The following LRRC28 variants were observed in gnomAD, a reference collection of about 807,000 sequenced individuals.
The protein encoded by LRRC28 is leucine-rich repeat-containing protein 28.
LRRC28 carries 39 observed loss-of-function variants against 45.7 expected under a neutral mutation model. The observed-to-expected ratio is 0.85, with a 90% CI of 0.66 to 1.12. LRRC28 has a LOEUF of 1.12. Among genes scored for constraint, LRRC28 ranks in the 50% most tolerant of loss-of-function variants. The probability of loss-of-function intolerance (pLI) is 0.00; values close to 1 mark genes in which losing one functional copy is unlikely to be tolerated. For missense variants in LRRC28, 435 were observed against 438.5 expected (o/e 0.99, Z 0.07); for synonymous variants, 206 against 178.8 (o/e 1.15, Z -1.22).
At chr15:99,342,372 G>T (rs1045707825) in intron 6 of LRRC28, among the ~76,000 whole-genome samples, 1 of 152,118 alleles carries the variant, frequency 6.6e-6, no homozygotes, top group African/African-American at 2.4e-5. Flanking sequence ...TCTAACTTCC[G>T]TCATGGTGAA....
rs1385400875 is a variant in LRRC28 at position 99,386,828 on chromosome 15, A to G, written c.*726A>G. On this transcript the variant is annotated 3_prime_UTR_variant, in exon 10 of 10. Coordinates refer to ENST00000301981, the MANE Select transcript of LRRC28 (RefSeq NM_144598.5). ...GAAAAATGATTTTTGAAGTTTTTAA[A>G]TTTCCTGATAAGATTTTTTTTATAT... 6.6e-6 allele frequency: 1 copy of G among 152,158 alleles called. No homozygotes were observed. Among genetic ancestry groups the G allele is most frequent in the East Asian group, 1.9e-4 (1 of 5,198 alleles). The allele number at this position is 152,158 out of a possible 1,614,324, so 9.4% of individuals were successfully genotyped here.
chr15:99,260,125 C>T (rs2081153385), intron 2 of LRRC28: 4 of 370,754 alleles, frequency 1.1e-5, no homozygotes, highest in Non-Finnish European at 2.1e-5. Context: ...GTCCCCTTCT[C>T]CCCTGCACTG....
Position 99,388,834 on chromosome 15 carries a change from G to C in LRRC28, c.*2732G>C, listed in dbSNP as rs1363839034. ...ACTTCAGTGAACTCTTGTGTGGTTA[G>C]CGATAAGTTTTAAAGTCCAGGATAG... On this transcript the variant is annotated 3_prime_UTR_variant, in exon 10 of 10. Transcript: ENST00000301981. 1 of 152,180 alleles carries C rather than the reference G, an allele frequency of 6.6e-6. No individual in the cohort carries two copies. Among genetic ancestry groups the C allele is most frequent in the African/African-American group, 2.4e-5 (1 of 41,438 alleles). 9.4% of individuals were successfully genotyped at this position (152,180 alleles called of 1,614,324 possible).
chr15:99,366,864 C>A (rs996770923), intron 9 of LRRC28, among the ~76,000 whole-genome samples: 1 of 150,006 alleles, frequency 6.7e-6, no homozygotes, highest in Non-Finnish European at 1.5e-5. Flanking sequence ...TAACAGTCTG[C>A]GTTCTGGCCC....
chr15:99,377,604 T>G (rs1957681385), intron 9 of LRRC28, among the ~76,000 whole-genome samples: 1 of 152,202 alleles, frequency 6.6e-6, no homozygotes, highest in Non-Finnish European at 1.5e-5. Context: ...GTTTTAGACA[T>G]GAAGTCCTTG....
chr15:99,375,895 A>C (rs1196291358), intron 9 of LRRC28, among the ~76,000 whole-genome samples: 1 of 151,936 alleles, frequency 6.6e-6, no homozygotes, highest in Non-Finnish European at 1.5e-5. Context: ...ATTGTTATTC[A>C]TAATCCTAGT....
intron 5 of LRRC28, among the ~76,000 whole-genome samples, chr15:99,308,490 A>T (rs1207045788): frequency 6.6e-6 from 1 of 152,088 alleles, no homozygotes; most frequent in Non-Finnish European, 1.5e-5. Flanking sequence ...ACATAGTAAG[A>T]CCTTGTCTCT....
At chr15:99,370,824 A>G (rs74928889) in intron 9 of LRRC28, among the ~76,000 whole-genome samples, 4 of 152,386 alleles carry the variant, frequency 2.6e-5, no homozygotes, top group Non-Finnish European at 4.4e-5. Flanking sequence ...ATACACACAT[A>G]TTGAAACAAT....
intron 5 of LRRC28, among the ~76,000 whole-genome samples, chr15:99,308,407 C>A (rs1319894554): frequency 1.3e-5 from 2 of 152,052 alleles, no homozygotes; most frequent in African/African-American, 4.8e-5. Flanking sequence ...TGGCTCACAC[C>A]TATAATCCCA....
intron 5 of LRRC28, chr15:99,333,520 TTTC>T (rs1235197862): frequency 5.3e-6 from 1 of 190,344 alleles, no homozygotes; most frequent in East Asian, 1.3e-4. Flanking sequence ...AATCTCCTAT[TTTC>T]TTCTTAGATG....
chr15:99,382,939 C>G (rs1365875506), intron 9 of LRRC28, among the ~76,000 whole-genome samples: 1 of 152,052 alleles, frequency 6.6e-6, no homozygotes, highest in Non-Finnish European at 1.5e-5. Context: ...CTCCTTTCAT[C>G]TCTCTTATTT....
chr15:99,326,004 A>T (rs910444693), intron 5 of LRRC28, among the ~76,000 whole-genome samples: 2 of 152,142 alleles, frequency 1.3e-5, no homozygotes, highest in African/African-American at 4.8e-5. Context: ...AAGAGATGGT[A>T]ATAGGCTGAG....
intron 9 of LRRC28, among the ~76,000 whole-genome samples, chr15:99,367,647 C>T (rs1957376203): frequency 6.6e-6 from 1 of 152,142 alleles, no homozygotes; most frequent in Admixed American, 6.5e-5. Context: ...CTTGAGTTCA[C>T]TGGTTTATTA....
At chr15:99,367,078 T>C (rs1957360431) in intron 9 of LRRC28, among the ~76,000 whole-genome samples, 2 of 152,154 alleles carry the variant, frequency 1.3e-5, no homozygotes, top group African/African-American at 4.8e-5. Flanking sequence ...GAGATAGCAT[T>C]AGATCCCACA....
intron 2 of LRRC28, chr15:99,259,798 G>A (rs573229302): frequency 1.9e-5 from 20 of 1,033,090 alleles, no homozygotes; most frequent in Middle Eastern, 2.0e-4. Flanking sequence ...GATTCGGTCA[G>A]GATGTCTTTT....
At chr15:99,296,327 C>T (rs1304862113) in intron 5 of LRRC28, among the ~76,000 whole-genome samples, 2 of 152,202 alleles carry the variant, frequency 1.3e-5, no homozygotes, top group African/African-American at 4.8e-5. Context: ...GTGATCAGTT[C>T]AGAAGGAGAA....
At chr15:99,335,469 T>A (rs1416761471) in intron 6 of LRRC28, among the ~76,000 whole-genome samples, 1 of 152,208 alleles carries the variant, frequency 6.6e-6, no homozygotes, top group Non-Finnish European at 1.5e-5. Flanking sequence ...AAGATACAAC[T>A]TGTAGATTAC....
chr15:99,285,684 A>T, intron 3 of LRRC28: 1 of 584,548 alleles, frequency 1.7e-6, no homozygotes, highest in East Asian at 3.1e-5. Flanking sequence ...ATAATATTTT[A>T]AAGTCTGTTT....
At chr15:99,350,710 G>A (rs1956851190) in intron 6 of LRRC28, among the ~76,000 whole-genome samples, 1 of 152,314 alleles carries the variant, frequency 6.6e-6, no homozygotes, top group South Asian at 2.1e-4. Context: ...GAAAGATGAG[G>A]AGGAGGAGCT....
Sources: allele counts gnomAD v4.1 joint callset (sites outside exome capture counted in the v4.1 genomes callset), GRCh38; gene constraint gnomAD v4.1.1; transcripts MANE v1.5; gene names NCBI Gene and HGNC (gene_info 2026-07-23, HGNC 2026-07-21).